Variants in TANGO6 observed in about 807,000 individuals in gnomAD.
The protein encoded by TANGO6 is transport and Golgi organization protein 6 homolog.
In TANGO6, 90 loss-of-function variants were observed where a neutral mutation model predicts 114.2. The observed-to-expected ratio is 0.79, with a 90% CI of 0.66 to 0.94. The LOEUF (loss-of-function observed/expected upper bound fraction) is 0.94. Among genes scored for constraint, TANGO6 ranks in the 40% least tolerant of loss-of-function variants. TANGO6 has a pLI of 0.00. For synonymous variants in TANGO6, 477 were observed against 509.8 expected (o/e 0.94, Z 0.87); for missense variants, 1,274 against 1,315.3 (o/e 0.97, Z 0.49).
At chr16:69,024,546 C>G (rs1243048745) in intron 16 of TANGO6, among the ~76,000 whole-genome samples, 1 of 151,866 alleles carries the variant, frequency 6.6e-6, no homozygotes, top group Non-Finnish European at 1.5e-5. Context: ...GGATTACAGG[C>G]ATGAGCCACC....
chr16:68,984,190 G>A (rs1047817506), intron 15 of TANGO6, among the ~76,000 whole-genome samples: 7 of 152,080 alleles, frequency 4.6e-5, no homozygotes, highest in Non-Finnish European at 8.8e-5. Flanking sequence ...GATTTTGGCA[G>A]CAATAAACAG....
At chr16:68,976,085 C>T (rs1399495231) in intron 15 of TANGO6, among the ~76,000 whole-genome samples, 4 of 151,988 alleles carry the variant, frequency 2.6e-5, no homozygotes, top group Non-Finnish European at 5.9e-5. Context: ...GAGGTACATG[C>T]CACCACACCT....
intron 17 of TANGO6, among the ~76,000 whole-genome samples, chr16:69,057,722 C>T (rs1229331972): frequency 6.6e-6 from 1 of 152,118 alleles, no homozygotes; most frequent in African/African-American, 2.4e-5. Flanking sequence ...ATCCCTTTGG[C>T]GTATTTACTG....
At chr16:68,881,389 C>T (rs1036995989) in intron 7 of TANGO6, among the ~76,000 whole-genome samples, 3 of 152,170 alleles carry the variant, frequency 2.0e-5, no homozygotes, top group Non-Finnish European at 4.4e-5. Context: ...TGGCACACAC[C>T]TGTAATCCCA....
chr16:68,854,271 TAGTG>T (rs1961950497), intron 1 of TANGO6, among the ~76,000 whole-genome samples: 1 of 152,012 alleles, frequency 6.6e-6, no homozygotes, highest in African/African-American at 2.4e-5. Flanking sequence ...CTGGGCAACA[TAGTG>T]AGACCTCATC....
chr16:68,978,075 C>T (rs1208626930), intron 15 of TANGO6, among the ~76,000 whole-genome samples: 1 of 152,118 alleles, frequency 6.6e-6, no homozygotes, highest in Non-Finnish European at 1.5e-5. Flanking sequence ...CTAAAACATG[C>T]CAGACAAGTA....
At chr16:68,904,421 C>G (rs996784423) in intron 9 of TANGO6, among the ~76,000 whole-genome samples, 1 of 152,130 alleles carries the variant, frequency 6.6e-6, no homozygotes, top group African/African-American at 2.4e-5. Context: ...CTGAAGGACT[C>G]TGGAAGATTC....
In TANGO6 at chr16:69,016,259, G is replaced by A. The variant is rs183193490; in HGVS notation, c.2843-6569G>A. On this transcript the variant is annotated intron_variant, in intron 15 of 17. Coordinates refer to ENST00000261778, the MANE Select transcript of TANGO6 (RefSeq NM_024562.2). The stretch of plus-strand genomic sequence containing the variant: ...GATTTGCTGGATCAATTAGCCAGGC[G>A]TGGTGGCACATGCCTGTAATCCCAG... 4.0e-3 allele frequency among the ~76,000 whole-genome samples: 602 copies of A among 152,264 alleles called. 3 individuals are homozygous for A. The highest frequency in any genetic ancestry group is 6.1e-3 in the Non-Finnish European group (413 of 68,030).
chr16:69,061,008 A>C (rs1015695026), intron 17 of TANGO6, among the ~76,000 whole-genome samples: 2 of 151,926 alleles, frequency 1.3e-5, no homozygotes, highest in African/African-American at 2.4e-5. Context: ...AACAAAAAAA[A>C]CAAAAAAATA....
chr16:68,853,026 C>T (rs926307483), intron 1 of TANGO6, among the ~76,000 whole-genome samples: 1 of 152,062 alleles, frequency 6.6e-6, no homozygotes, highest in Admixed American at 6.6e-5. Context: ...TACATTTTAG[C>T]CATAAACACT....
intron 13 of TANGO6, 42 bp downstream of exon 13, chr16:68,928,125 G>T: frequency 6.7e-7 from 1 of 1,501,854 alleles, no homozygotes; most frequent in Non-Finnish European, 8.9e-7. Flanking sequence ...CACAGGGTGG[G>T]GCATTCATTC....
intron 3 of TANGO6, among the ~76,000 whole-genome samples, chr16:68,864,535 C>A (rs555430153): frequency 6.6e-6 from 1 of 151,878 alleles, no homozygotes; most frequent in Non-Finnish European, 1.5e-5. Flanking sequence ...GAGCTGTGAT[C>A]GGGCCACTGC....
intron 17 of TANGO6, among the ~76,000 whole-genome samples, chr16:69,080,489 G>T (rs745854955): frequency 3.2e-4 from 49 of 152,296 alleles, no homozygotes; most frequent in Non-Finnish European, 6.3e-4. Context: ...GATTGAGGCT[G>T]CAGTGAGCTA....
intron 14 of TANGO6, among the ~76,000 whole-genome samples, chr16:68,940,641 A>G (rs540467770): frequency 6.6e-5 from 10 of 151,068 alleles, no homozygotes; most frequent in Non-Finnish European, 1.2e-4. Context: ...AAACTTGTTT[A>G]TAAAAATTTC....
intron 15 of TANGO6, among the ~76,000 whole-genome samples, chr16:68,993,077 AG>A (rs770144109): frequency 3.9e-5 from 6 of 152,184 alleles, no homozygotes; most frequent in Non-Finnish European, 8.8e-5. Context: ...CAAAAAAAAA[AG>A]AAAAGAAAAA....
chr16:68,929,632 T>C (rs1227007638), intron 13 of TANGO6, among the ~76,000 whole-genome samples: 1 of 152,244 alleles, frequency 6.6e-6, no homozygotes, highest in Non-Finnish European at 1.5e-5. Context: ...ACATATCATG[T>C]AATATCTTCC....
rs1300719941 is a variant in TANGO6, at chr16:68,858,580, A to C, written c.95-1304A>C. On this transcript the variant is annotated intron_variant, in intron 1 of 17. Transcript: ENST00000261778. Reference sequence around the variant, plus strand: ...ACTGCAGCCTCTATGTCCCAGGCTTAAGCAGTCCCTCTACCTCAGCCCCCT... The same window carrying C: ...ACTGCAGCCTCTATGTCCCAGGCTTCAGCAGTCCCTCTACCTCAGCCCCCT... Among the ~76,000 whole-genome samples, 4 of 152,200 alleles carry C rather than the reference A, an allele frequency of 2.6e-5. No individual in the cohort carries two copies. In the East Asian group the frequency reaches 7.7e-4, roughly 29 times the overall value.
intron 15 of TANGO6, among the ~76,000 whole-genome samples, chr16:68,986,690 A>C (rs1327501402): frequency 1.3e-5 from 2 of 152,028 alleles, no homozygotes; most frequent in Non-Finnish European, 2.9e-5. Context: ...AGATCACTTG[A>C]GGTCAGGAGT....
chr16:68,860,658 A>T, intron 2 of TANGO6, 134 bp downstream of exon 2: 1 of 1,191,532 alleles, frequency 8.4e-7, no homozygotes, highest in Admixed American at 2.8e-5. Flanking sequence ...TCCAATGGAT[A>T]AATGAATCTT....
Sources: allele counts gnomAD v4.1 joint callset (sites outside exome capture counted in the v4.1 genomes callset), GRCh38; gene constraint gnomAD v4.1.1; transcripts MANE v1.5; gene names NCBI Gene and HGNC (gene_info 2026-07-23, HGNC 2026-07-21).